The following ANOS1 variants were observed in gnomAD, a reference collection of about 807,000 sequenced individuals.
ANOS1 encodes anosmin 1.
In ANOS1, 6 loss-of-function variants were observed where a neutral mutation model predicts 59.0. The ratio of observed to expected loss-of-function variants is 0.10; its 90% CI spans 0.06 to 0.20. The LOEUF (loss-of-function observed/expected upper bound fraction) is 0.20, where lower values mean the gene tolerates loss of function less well. Ranked by LOEUF, ANOS1 falls within the 10% of genes least tolerant of loss-of-function variation. The pLI, the probability that ANOS1 is intolerant of heterozygous loss-of-function variation, is 1.00. For missense variants in ANOS1, 433 were observed against 542.3 expected, an observed-to-expected ratio of 0.80 and a Z score of 2.00; for synonymous variants, 217 against 223.4, an observed-to-expected ratio of 0.97 and a Z score of 0.25.
chrX:8,678,879 G>A (rs1932376999), intron 2 of ANOS1, among the ~76,000 whole-genome samples: 1 of 111,849 alleles, frequency 8.9e-6, no homozygotes, highest in Admixed American at 9.5e-5. Flanking sequence ...CCAAGGAGAT[G>A]CCAAACGATC....
chrX:8,571,028 T>C (rs1248832272), intron 6 of ANOS1, among the ~76,000 whole-genome samples: 1 of 107,448 alleles, frequency 9.3e-6, no homozygotes, highest in Non-Finnish European at 1.9e-5. Context: ...GAAGGAGCGC[T>C]TGAACCCGGG....
intron 2 of ANOS1, among the ~76,000 whole-genome samples, chrX:8,697,944 A>G (rs1490433868): frequency 2.7e-5 from 3 of 112,043 alleles, no homozygotes; most frequent in Non-Finnish European, 5.6e-5. Flanking sequence ...GAAAAAGCCC[A>G]CCTAGTACTT....
At chrX:8,688,785 A>G (rs965415165) in intron 2 of ANOS1, among the ~76,000 whole-genome samples, 1 of 112,247 alleles carries the variant, frequency 8.9e-6, no homozygotes, top group Non-Finnish European at 1.9e-5. Context: ...CTTAGCAGGA[A>G]GCTTTGCATG....
chrX:8,572,349 C>A (rs1330888508), intron 6 of ANOS1, among the ~76,000 whole-genome samples: 1 of 106,480 alleles, frequency 9.4e-6, no homozygotes, highest in Non-Finnish European at 1.9e-5. Context: ...GTGTTCTCAT[C>A]CTTCGGCTCC....
chrX:8,690,650 A>G (rs764110809), intron 2 of ANOS1, among the ~76,000 whole-genome samples: 11 of 111,809 alleles, frequency 9.8e-5, no homozygotes, highest in African/African-American at 3.2e-4. Context: ...AAAAATTTCC[A>G]CAGTCATATT....
intron 2 of ANOS1, among the ~76,000 whole-genome samples, chrX:8,685,593 A>AAAGGAAGGAAGG: frequency 1.3e-5 from 1 of 74,797 alleles, no homozygotes; most frequent in Non-Finnish European, 2.5e-5. Flanking sequence ...AAAGAGAAAG[A>AAAGGAAGGAAGG]AAGGAAGAAA....
rs59283885 is a variant in ANOS1 at position 8,668,526 on chromosome X, C to CATAT, written c.255+31168_255+31171dup. On this transcript the variant is annotated intron_variant, in intron 2 of 13. Coordinates refer to ENST00000262648, the MANE Select transcript of ANOS1 (RefSeq NM_000216.4). ...ATTCCATCATATATATATGATAGTC[C>CATAT]ATATATATATATATATATGATGGAA... Among the ~76,000 whole-genome samples, 11 of 83,707 alleles carry CATAT rather than the reference C, an allele frequency of 1.3e-4. 1 individual carries two copies. The highest frequency in any genetic ancestry group is 8.5e-4 in the Admixed American group (6 of 7,051). 72.7% of individuals were successfully genotyped at this position (83,707 alleles called of 115,157 possible). A position where few individuals can be genotyped will look rare whatever the true frequency, so the allele number is the denominator to read the frequency against.
At chrX:8,704,444 A>G (rs1932771309) in intron 1 of ANOS1, among the ~76,000 whole-genome samples, 1 of 111,720 alleles carries the variant, frequency 9.0e-6, no homozygotes, top group South Asian at 3.8e-4. Context: ...CTTTCCTGCA[A>G]TTCAATGCTC....
At chrX:8,614,679 A>C (rs1931127599) in intron 3 of ANOS1, among the ~76,000 whole-genome samples, 2 of 110,703 alleles carry the variant, frequency 1.8e-5, no homozygotes, top group South Asian at 7.5e-4. Flanking sequence ...ACTTAAATTT[A>C]GTGCTTTTGC....
intron 3 of ANOS1, among the ~76,000 whole-genome samples, chrX:8,600,240 A>C (rs968945776): frequency 8.9e-6 from 1 of 112,357 alleles, no homozygotes; most frequent in African/African-American, 3.2e-5. Flanking sequence ...GCAGCACCAA[A>C]TTGTTATTGT....
At chrX:8,656,811 A>G (rs182499892) in intron 2 of ANOS1, among the ~76,000 whole-genome samples, 13 of 111,189 alleles carry the variant, frequency 1.2e-4, no homozygotes, top group South Asian at 7.7e-4. Flanking sequence ...TGTTCCCCCA[A>G]TGAGCCAGTA....
chrX:8,596,736 T>C (rs1930743594), intron 4 of ANOS1, among the ~76,000 whole-genome samples: 2 of 111,796 alleles, frequency 1.8e-5, no homozygotes, highest in Admixed American at 1.9e-4. Flanking sequence ...TAGAGCTTAC[T>C]TGAATCAGTC....
chrX:8,569,555 T>A (rs909529639), intron 7 of ANOS1, among the ~76,000 whole-genome samples: 25 of 111,657 alleles, frequency 2.2e-4, no homozygotes, highest in Non-Finnish European at 4.0e-4. Context: ...GGCAGGAGAA[T>A]GGCGTGAACC....
chrX:8,699,707 T>C lies in ANOS1; in HGVS notation c.246A>G (p.Gln82=), dbSNP rs1569085801. 2.5e-6 allele frequency: 3 copies of C among 1,198,177 alleles called. No homozygotes were observed. The highest frequency in any genetic ancestry group is 2.4e-4 in the Middle Eastern group (1 of 4,229). ...GSLVWCQNHK[Q]CSKCLEPCKE... ...GGTATAGGAAACGTACCTTAGAACA[T>C]TGCTTGTGATTCTGGCACCAAACCA... The change falls in exon 2 of 14, where the codon CAA becomes CAG. Residue 82 remains glutamine, a synonymous_variant. Coordinates refer to ENST00000262648, the MANE Select transcript of ANOS1 (RefSeq NM_000216.4).
Position 8,554,039 on chromosome X carries a change from G to T in ANOS1, c.1267C>A (p.Arg423=). ...ACTTCCAGCGGGCGAGTGGGTCGTC[G>T]TCTTTGAAAAGGGAGTTGTGTTTGA... ...GIQTQLPFQR[R]RPTRPLEVGA... Residue 423 remains arginine (R), a synonymous_variant, in exon 9 of 14, where the codon CGA becomes AGA. Transcript: ENST00000262648. 2.5e-6 allele frequency: 3 copies of T among 1,206,614 alleles called. No homozygotes were observed. The highest frequency in any genetic ancestry group is 1.8e-5 in the South Asian group (1 of 56,859).
intron 3 of ANOS1, among the ~76,000 whole-genome samples, chrX:8,614,698 T>G (rs1931128143): frequency 9.1e-6 from 1 of 110,358 alleles, no homozygotes; most frequent in Non-Finnish European, 1.9e-5. Flanking sequence ...GCAATTTTCA[T>G]GATACTCCCC....
chrX:8,547,933 T>C (rs1429860594), intron 9 of ANOS1, among the ~76,000 whole-genome samples: 3 of 111,421 alleles, frequency 2.7e-5, no homozygotes, highest in South Asian at 3.7e-4. Flanking sequence ...GCCAGACTGG[T>C]CTCAAATTCC....
intron 8 of ANOS1, among the ~76,000 whole-genome samples, 198 bp downstream of exon 8, chrX:8,568,034 A>G (rs1269347359): frequency 1.8e-5 from 2 of 112,423 alleles, no homozygotes; most frequent in African/African-American, 6.5e-5. Flanking sequence ...ACAATAGATA[A>G]AAACCATAAG....
intron 3 of ANOS1, among the ~76,000 whole-genome samples, chrX:8,618,676 T>G (rs1357619234): frequency 8.9e-6 from 1 of 112,325 alleles, no homozygotes; most frequent in Non-Finnish European, 1.9e-5. Context: ...CATTTAAAAT[T>G]TAAGATTCCA....
Sources: gnomAD v4.1 joint callset for allele counts (sites outside exome capture counted in the v4.1 genomes callset) on GRCh38, gnomAD v4.1.1 for gene constraint, MANE v1.5 for transcripts, NCBI Gene and HGNC (gene_info 2026-07-23, HGNC 2026-07-21) for gene names.